C10orf67: variants seen among roughly 807,000 people sequenced by gnomAD.
C10orf67 encodes chromosome 10 open reading frame 67.
A neutral mutation model predicts 35.6 loss-of-function variants in C10orf67; 60 were observed. The ratio of observed to expected loss-of-function variants is 1.68; its 90% CI spans 1.37 to 2.09. The LOEUF (loss-of-function observed/expected upper bound fraction) is 2.09. C10orf67 is among the 30% of genes most tolerant of loss of function. The pLI, the probability that C10orf67 is intolerant of heterozygous loss-of-function variation, is 0.00. For missense variants in C10orf67, 474 were observed against 330.2 expected (o/e 1.44, Z -3.38); for synonymous variants, 167 against 115.8 (o/e 1.44, Z -2.84).
intron 15 of C10orf67, among the ~76,000 whole-genome samples, chr10:23,217,144 T>C (rs1178499822): frequency 6.6e-6 from 1 of 152,226 alleles, no homozygotes; most frequent in African/African-American, 2.4e-5. Context: ...TTTTTCCATG[T>C]GATTGTTTAT....
intron 7 of C10orf67, among the ~76,000 whole-genome samples, chr10:23,286,026 T>C (rs1564490325): frequency 1.3e-5 from 2 of 152,126 alleles, no homozygotes; most frequent in East Asian, 1.9e-4. Flanking sequence ...GTACTCCTTA[T>C]AGAGAGTCAG....
intron 13 of C10orf67, among the ~76,000 whole-genome samples, chr10:23,228,959 T>C (rs1841827570): frequency 2.0e-5 from 3 of 152,062 alleles, no homozygotes; most frequent in Admixed American, 2.0e-4. Flanking sequence ...GATGAGGTGA[T>C]ATAGGAACAT....
intron 1 of C10orf67, among the ~76,000 whole-genome samples, chr10:23,337,206 C>T (rs1845720689): frequency 6.6e-6 from 1 of 152,138 alleles, no homozygotes; most frequent in Non-Finnish European, 1.5e-5. Context: ...CAGAGAATTA[C>T]CACATGGCAG....
intron 4 of C10orf67, chr10:23,318,397 G>A (rs569924111): frequency 6.5e-6 from 1 of 152,972 alleles, no homozygotes; most frequent in South Asian, 2.1e-4. Context: ...ATGGGCTTTT[G>A]TCAGCATGGT....
At chr10:23,281,125 G>T (rs1034837766) in intron 8 of C10orf67, among the ~76,000 whole-genome samples, 1 of 151,978 alleles carries the variant, frequency 6.6e-6, no homozygotes, top group Non-Finnish European at 1.5e-5. Flanking sequence ...AATTTTTTTC[G>T]TTGCCTGCAT....
chr10:23,290,608 G>A (rs1054925627), intron 6 of C10orf67, among the ~76,000 whole-genome samples: 3 of 152,166 alleles, frequency 2.0e-5, no homozygotes, highest in African/African-American at 7.2e-5. Context: ...TTTCACCAAT[G>A]TTTGTGGTAT....
chr10:23,203,312 G>T lies in C10orf67; in HGVS notation c.*861C>A, dbSNP rs1289473027. 3 of 152,192 alleles carry T rather than the reference G, an allele frequency of 2.0e-5. No homozygotes were observed. Among genetic ancestry groups the T allele is most frequent in the African/African-American group, 7.2e-5 (3 of 41,450 alleles). 9.4% of individuals were successfully genotyped at this position (152,192 alleles called of 1,614,324 possible). On this transcript the variant is annotated 3_prime_UTR_variant, in exon 16 of 16. Coordinates refer to ENST00000636213, the MANE Select transcript of C10orf67 (RefSeq NM_001371909.1). ...ACACGTCTCTCTCCAATTAAATCTT[G>T]TTCCTTTTACGCACAAATAAATCAC...
chr10:23,263,245 C>A (rs111510597), intron 10 of C10orf67, among the ~76,000 whole-genome samples: 344 of 152,294 alleles, frequency 2.3e-3, no homozygotes, highest in African/African-American at 7.4e-3. Context: ...TTTCTTCTCT[C>A]ATAGAGCTTA....
At chr10:23,217,005 T>A (rs566353990) in intron 15 of C10orf67, among the ~76,000 whole-genome samples, 1 of 152,318 alleles carries the variant, frequency 6.6e-6, no homozygotes, top group East Asian at 1.9e-4. Context: ...CTGAAATATT[T>A]CCTCATAAAA....
chr10:23,213,852 T>G lies in C10orf67; in HGVS notation c.1571-9597A>C, dbSNP rs116219961. 4.2e-3 allele frequency among the ~76,000 whole-genome samples: 646 copies of G among 152,006 alleles called. 1 individual carries two copies. Among genetic ancestry groups the G allele is most frequent in the African/African-American group, 0.015 (606 of 41,498 alleles). On this transcript the variant is annotated intron_variant, in intron 15 of 15. Coordinates refer to ENST00000636213, the MANE Select transcript of C10orf67 (RefSeq NM_001371909.1). ...TAAGGTAATAAAAATAGTCCAAATA[T>G]ATCAATAATCACAATTGTAAACAAT...
At chr10:23,254,211 T>C (rs1008639345) in intron 10 of C10orf67, among the ~76,000 whole-genome samples, 5 of 152,150 alleles carry the variant, frequency 3.3e-5, no homozygotes, top group Non-Finnish European at 7.4e-5. Context: ...TTTAACAAAA[T>C]GTGTGTTTTT....
intron 10 of C10orf67, among the ~76,000 whole-genome samples, chr10:23,264,475 A>G (rs912445843): frequency 3.3e-5 from 5 of 152,292 alleles, no homozygotes; most frequent in East Asian, 1.9e-4. Context: ...CCAGGCCACA[A>G]TCATTAGAGT....
chr10:23,318,621 G>A (rs1844826934), intron 4 of C10orf67: 3 of 361,986 alleles, frequency 8.3e-6, no homozygotes, highest in Non-Finnish European at 1.5e-5. Context: ...ACAAGAGCAG[G>A]TAAGTGGGAG....
chr10:23,294,630 C>T (rs1337530713), intron 5 of C10orf67, among the ~76,000 whole-genome samples: 4 of 152,172 alleles, frequency 2.6e-5, no homozygotes, highest in Non-Finnish European at 5.9e-5. Flanking sequence ...GAAATTACAA[C>T]TACTTATTAA....
intron 13 of C10orf67, among the ~76,000 whole-genome samples, chr10:23,239,105 A>G (rs1656299496): frequency 1.3e-5 from 2 of 152,182 alleles, no homozygotes; most frequent in South Asian, 2.1e-4. Flanking sequence ...TCCTCAGAGC[A>G]CTTAGCATCA....
chr10:23,307,614 T>G lies in C10orf67; in HGVS notation c.547-4155A>C, dbSNP rs551546484. Among the ~76,000 whole-genome samples the G allele has an allele frequency of 2.9e-3, 433 of 149,866 alleles. 3 individuals are homozygous for G. The highest frequency in any genetic ancestry group is 0.01 in the African/African-American group (407 of 40,188). On this transcript the variant is annotated intron_variant, in intron 4 of 15. Transcript: ENST00000636213. ...TATTTAGATTTTTTATTTAGTTTTTTTTTTTTTTTTTTAAGACAGGGTCTC... is the reference window on the plus strand; with the variant it reads ...TATTTAGATTTTTTATTTAGTTTTTGTTTTTTTTTTTTAAGACAGGGTCTC...
At chr10:23,321,974 G>C (rs1844972888) in intron 3 of C10orf67, among the ~76,000 whole-genome samples, 1 of 152,102 alleles carries the variant, frequency 6.6e-6, no homozygotes, top group South Asian at 2.1e-4. Flanking sequence ...TCTTCGTAAA[G>C]ACAGGGTCTC....
At chr10:23,259,845 TA>T (rs970218330) in intron 10 of C10orf67, among the ~76,000 whole-genome samples, 34 of 151,826 alleles carry the variant, frequency 2.2e-4, no homozygotes, top group African/African-American at 7.2e-4. Context: ...GAAGTTAGGT[TA>T]AAAAAAAGAC....
chr10:23,286,131 C>T (rs1843518768), intron 7 of C10orf67, among the ~76,000 whole-genome samples: 1 of 151,824 alleles, frequency 6.6e-6, no homozygotes, highest in Non-Finnish European at 1.5e-5. Context: ...GTGACTCACA[C>T]CTGTAATCCT....
Sources: gnomAD v4.1 joint callset for allele counts (sites outside exome capture counted in the v4.1 genomes callset) on GRCh38, gnomAD v4.1.1 for gene constraint, MANE v1.5 for transcripts, NCBI Gene and HGNC (gene_info 2026-07-23, HGNC 2026-07-21) for gene names.